The following SEC62 variants were observed in gnomAD, a reference collection of about 807,000 sequenced individuals.
The protein encoded by SEC62 is SEC62 preprotein translocation factor.
SEC62 carries 10 observed loss-of-function variants against 47.5 expected under a neutral mutation model. The observed-to-expected ratio is 0.21, with a 90% confidence interval of 0.13 to 0.36. The LOEUF (loss-of-function observed/expected upper bound fraction) is 0.36. SEC62 is among the 10% of genes least tolerant of loss of function. The pLI is 1.00. For synonymous variants in SEC62, 136 were observed against 150.5 expected, an observed-to-expected ratio of 0.90 and a Z score of 0.71; for missense variants, 327 against 464.1, an observed-to-expected ratio of 0.70 and a Z score of 2.71.
rs750773135 is a variant in SEC62, at chr3:169,982,810, AAAG to A, written c.363_365del (p.Glu121del). ...AGATAAAGGAAAAGCTGAAAGTGGA[AAAG>A]AAGAAGATAAAAAGAGCAAGAAAGA... On this transcript the variant is annotated inframe_deletion, in exon 4 of 8. Coordinates refer to ENST00000337002, the MANE Select transcript of SEC62 (RefSeq NM_003262.4). 3.1e-5 allele frequency: 50 copies of A among 1,599,630 alleles called. No individual in the cohort carries two copies. The highest frequency in any genetic ancestry group is 5.1e-5 in the Admixed American group (3 of 58,554).
At chr3:169,979,614 G>A (rs1270143822) in intron 3 of SEC62, among the ~76,000 whole-genome samples, 2 of 151,902 alleles carry the variant, frequency 1.3e-5, no homozygotes, top group Admixed American at 6.6e-5. Context: ...TTCCCTAAAC[G>A]GTTCTGTTTC....
Position 169,996,527 on chromosome 3 carries a change from TC to T in SEC62, c.*3466del, listed in dbSNP as rs1715379984. ...GTGCTGGATATCTCTTGTTTTCCCC[TC>T]CAGCTCCACTCTGCTCTTGCCCACA... On this transcript the variant is annotated 3_prime_UTR_variant, in exon 8 of 8. Transcript: ENST00000337002. 6.6e-6 allele frequency: 1 copy of T among 152,602 alleles called. No homozygotes were observed. Among genetic ancestry groups the T allele is most frequent in the Non-Finnish European group, 1.5e-5 (1 of 68,098 alleles). The allele number at this position is 152,602 out of a possible 1,614,324, so 9.5% of individuals were successfully genotyped here.
intron 7 of SEC62, among the ~76,000 whole-genome samples, chr3:169,989,323 CTG>C (rs1715182027): frequency 6.7e-6 from 1 of 148,612 alleles, no homozygotes; most frequent in Non-Finnish European, 1.5e-5. Context: ...CTCAGGTGAT[CTG>C]CCCTCCTTGG....
At position 169,992,397 on chromosome 3, in the gene SEC62, G is replaced by A. The variant is rs900364261; in HGVS notation, c.731-197G>A. Reference sequence around the variant, plus strand: ...GCTCACTGCAGCCTCGAGCTCCTGGGCTCAAGTGATCCTCCCAAGTAGCTT... The same window carrying A: ...GCTCACTGCAGCCTCGAGCTCCTGGACTCAAGTGATCCTCCCAAGTAGCTT... On this transcript the variant is annotated intron_variant, in intron 7 of 7. Coordinates refer to ENST00000337002, the MANE Select transcript of SEC62 (RefSeq NM_003262.4). The surrounding 1 kb of genome is among the most constrained non-coding windows in gnomAD (Gnocchi z 4.0). 1.3e-5 allele frequency among the ~76,000 whole-genome samples: 2 copies of A among 152,092 alleles called. No homozygotes were observed. The highest frequency in any genetic ancestry group is 2.9e-5 in the Non-Finnish European group (2 of 68,020).
intron 3 of SEC62, among the ~76,000 whole-genome samples, chr3:169,981,199 A>G (rs1241181994): frequency 1.3e-5 from 2 of 152,218 alleles, no homozygotes; most frequent in African/African-American, 4.8e-5. Flanking sequence ...ACATTTGCAC[A>G]ATTATATGCA....
intron 3 of SEC62, among the ~76,000 whole-genome samples, chr3:169,981,766 CTT>C (rs1714978952): frequency 1.3e-5 from 2 of 152,192 alleles, no homozygotes; most frequent in South Asian, 2.1e-4. Context: ...CTCTCTCTCT[CTT>C]AAGAAGTTTA....
chr3:169,971,171 A>G (rs1714690665), intron 1 of SEC62, among the ~76,000 whole-genome samples: 1 of 151,950 alleles, frequency 6.6e-6, no homozygotes, highest in South Asian at 2.1e-4. Context: ...CCTGGTCTCA[A>G]GTGATCCTCT....
At chr3:169,974,979 G>A (rs1440080152) in intron 1 of SEC62, among the ~76,000 whole-genome samples, 1 of 152,046 alleles carries the variant, frequency 6.6e-6, no homozygotes, top group Admixed American at 6.6e-5. Context: ...CTGTTTTGTG[G>A]CTTATAAAAA....
At chr3:169,988,416 T>G in intron 7 of SEC62, 57 bp downstream of exon 7, 1 of 1,575,052 alleles carries the variant, frequency 6.3e-7, no homozygotes, top group South Asian at 1.1e-5. Flanking sequence ...GCAGTTGGAC[T>G]GTAATTTGGA....
Position 169,982,916 on chromosome 3 carries a change from G to C in SEC62, c.456+5G>C. On this transcript the variant is annotated splice_donor_5th_base_variant and intron_variant, in intron 4 of 7. Transcript: ENST00000337002. ...GAAAAGGAAGAATCCAAAAAGGTGAGTTAATCTAAAATTAAGTAAAAATTT... is the reference window on the plus strand; with the variant it reads ...GAAAAGGAAGAATCCAAAAAGGTGACTTAATCTAAAATTAAGTAAAAATTT... 2 of 1,563,288 alleles carry C rather than the reference G, an allele frequency of 1.3e-6. No homozygotes were observed. The highest frequency in any genetic ancestry group is 1.7e-6 in the Non-Finnish European group (2 of 1,166,054).
intron 1 of SEC62, 132 bp from the exon 2 acceptor site, chr3:169,975,476 C>T: frequency 3.6e-6 from 2 of 557,868 alleles, no homozygotes; most frequent in Non-Finnish European, 6.3e-6. Context: ...TATTAGGTCG[C>T]TCCAGAGAAA....
chr3:169,976,918 A>C, intron 2 of SEC62, 28 bp from the exon 3 acceptor site: 1 of 1,509,730 alleles, frequency 6.6e-7, no homozygotes, highest in Non-Finnish European at 9.1e-7. Context: ...ATGTATGCTA[A>C]ATTTAAAATA....
At chr3:169,981,344 G>A (rs1439730162) in intron 3 of SEC62, among the ~76,000 whole-genome samples, 1 of 152,182 alleles carries the variant, frequency 6.6e-6, no homozygotes, top group Non-Finnish European at 1.5e-5. Context: ...GCCCAGCCAG[G>A]CAGGTAAAAC....
At chr3:169,979,149 G>A (rs1329162215) in intron 3 of SEC62, among the ~76,000 whole-genome samples, 1 of 152,184 alleles carries the variant, frequency 6.6e-6, no homozygotes, top group African/African-American at 2.4e-5. Flanking sequence ...TCCCACTGAT[G>A]TCAGATTGTT....
chr3:169,979,491 T>C (rs1047278792), intron 3 of SEC62, among the ~76,000 whole-genome samples: 2 of 152,214 alleles, frequency 1.3e-5, no homozygotes, highest in Non-Finnish European at 2.9e-5. Flanking sequence ...CTAGGTTAAG[T>C]CTCCACAAGA....
Position 169,987,939 on chromosome 3 carries a change from C to T in SEC62, c.611-301C>T, listed in dbSNP as rs371857106. Among the ~76,000 whole-genome samples, 78 of 152,172 alleles carry T rather than the reference C, an allele frequency of 5.1e-4. 1 individual carries two copies. The highest frequency in any genetic ancestry group is 1.8e-3 in the African/African-American group (76 of 41,542). On this transcript the variant is annotated intron_variant, in intron 6 of 7. Transcript: ENST00000337002. ...TATTTTTTAAATAAAGTAGATATAGCTTGAAAAAGGGGGCAGTTGATAAAT... is the reference window on the plus strand; with the variant it reads ...TATTTTTTAAATAAAGTAGATATAGTTTGAAAAAGGGGGCAGTTGATAAAT...
At chr3:169,977,841 C>T (rs1041477656) in intron 3 of SEC62, among the ~76,000 whole-genome samples, 5 of 151,782 alleles carry the variant, frequency 3.3e-5, no homozygotes, top group African/African-American at 1.2e-4. Context: ...TTTAATGGCA[C>T]CTAAAGTATC....
chr3:169,977,900 T>G (rs963678785), intron 3 of SEC62, among the ~76,000 whole-genome samples: 5 of 152,232 alleles, frequency 3.3e-5, no homozygotes, highest in African/African-American at 1.2e-4. Context: ...ACCTGGTTTC[T>G]TAAGCTGTCA....
chr3:169,973,214 A>G (rs1714743847), intron 1 of SEC62, among the ~76,000 whole-genome samples: 1 of 152,206 alleles, frequency 6.6e-6, no homozygotes, highest in Non-Finnish European at 1.5e-5. Flanking sequence ...ATATTAATAT[A>G]TTTTAGCATG....
Sources: allele counts gnomAD v4.1 joint callset (sites outside exome capture counted in the v4.1 genomes callset), GRCh38; gene constraint gnomAD v4.1.1; non-coding constraint Gnocchi (gnomAD v3.1); transcripts MANE v1.5; gene names NCBI Gene and HGNC (gene_info 2026-07-23, HGNC 2026-07-21).